LINGO2: variants seen among roughly 807,000 people sequenced by gnomAD.
LINGO2 encodes the protein leucine rich repeat and Ig domain containing 2.
Under a neutral mutation model 30.6 loss-of-function variants are expected in LINGO2, and 14 were observed. The ratio of observed to expected loss-of-function variants is 0.46; its 90% CI spans 0.30 to 0.72. LINGO2 has a LOEUF of 0.72. LINGO2 is among the 30% of genes least tolerant of loss of function. The pLI is 0.07. For synonymous variants in LINGO2, 317 were observed against 288.5 expected (o/e 1.10, Z -1.00); for missense variants, 729 against 751.7 (o/e 0.97, Z 0.35).
At chr9:28,730,433 G>C in the LINGO2 span, among the ~76,000 whole-genome samples, 1 of 152,116 alleles carries the variant, frequency 6.6e-6, no homozygotes. Flanking sequence ...AAATAAATCT[G>C]TCCTGATCAA....
At chr9:28,243,262 G>T (rs555977787) in intron 4 of LINGO2, among the ~76,000 whole-genome samples, 21 of 152,078 alleles carry the variant, frequency 1.4e-4, no homozygotes, top group South Asian at 4.2e-4. Flanking sequence ...TTCAAAACCA[G>T]CCTGGGCAAC....
chr9:28,984,174 T>C, the LINGO2 span, among the ~76,000 whole-genome samples: 1 of 152,098 alleles, frequency 6.6e-6, no homozygotes, highest in Non-Finnish European at 1.5e-5. Flanking sequence ...TTCTAACACA[T>C]AATACAAAAT....
intron 4 of LINGO2, among the ~76,000 whole-genome samples, chr9:28,065,797 T>C (rs1196029597): frequency 6.6e-6 from 1 of 152,088 alleles, no homozygotes; most frequent in Non-Finnish European, 1.5e-5. Context: ...TCAGTAATTG[T>C]TATCAATCAT....
intron 4 of LINGO2, among the ~76,000 whole-genome samples, chr9:28,197,383 A>C (rs115470482): frequency 6.6e-6 from 1 of 151,778 alleles, no homozygotes; most frequent in East Asian, 1.9e-4. Context: ...GTAAAGATTT[A>C]AAAAAAACAG....
the LINGO2 span, among the ~76,000 whole-genome samples, chr9:28,731,450 A>T: frequency 6.6e-6 from 1 of 152,198 alleles, no homozygotes; most frequent in African/African-American, 2.4e-5. Context: ...AAAAAGTTAT[A>T]TATTTTATAG....
chr9:29,093,321 C>T, the LINGO2 span, among the ~76,000 whole-genome samples: 44 of 132,872 alleles, frequency 3.3e-4, 10 homozygotes, highest in African/African-American at 1.2e-3. Context: ...AAAGGCTTTA[C>T]ACCTGATTAA....
chr9:28,982,454 AATTTAGTGTT>A, the LINGO2 span, among the ~76,000 whole-genome samples: 1 of 151,826 alleles, frequency 6.6e-6, no homozygotes, highest in Admixed American at 6.6e-5. Context: ...TTGCCAGTTA[AATTTAGTGTT>A]CTAAGTCCTA....
At chr9:28,718,110 G>A in the LINGO2 span, among the ~76,000 whole-genome samples, 1 of 150,484 alleles carries the variant, frequency 6.6e-6, no homozygotes, top group Non-Finnish European at 1.5e-5. Context: ...TTTCAACAAA[G>A]AACATTAAGA....
At chr9:28,083,372 C>T (rs1276432543) in intron 4 of LINGO2, among the ~76,000 whole-genome samples, 3 of 152,142 alleles carry the variant, frequency 2.0e-5, no homozygotes, top group Admixed American at 6.6e-5. Context: ...TGAGAACCTT[C>T]TTCAATAAGC....
chr9:28,222,608 T>C (rs10511825), intron 4 of LINGO2, among the ~76,000 whole-genome samples: 35,683 of 152,056 alleles, frequency 0.23, 4,889 homozygotes, highest in East Asian at 0.49. Context: ...CATTTGTTTC[T>C]TAGTCTGAAT....
At chr9:28,217,244 G>A (rs1352545333) in intron 4 of LINGO2, among the ~76,000 whole-genome samples, 1 of 151,392 alleles carries the variant, frequency 6.6e-6, no homozygotes, top group Admixed American at 6.6e-5. Context: ...TACTTGGAAT[G>A]AACTTCTGAA....
intron 4 of LINGO2, among the ~76,000 whole-genome samples, chr9:28,103,905 G>A (rs551008198): frequency 5.9e-5 from 9 of 152,230 alleles, no homozygotes; most frequent in African/African-American, 2.2e-4. Context: ...GAAGTAGGGT[G>A]AACTATTCTG....
At chr9:28,215,795 T>G (rs917065792) in intron 4 of LINGO2, among the ~76,000 whole-genome samples, 1 of 151,850 alleles carries the variant, frequency 6.6e-6, no homozygotes, top group Non-Finnish European at 1.5e-5. Context: ...AATTATGATA[T>G]CTTTCTTGCT....
intron 4 of LINGO2, among the ~76,000 whole-genome samples, chr9:28,169,025 G>A (rs1828510345): frequency 6.6e-6 from 1 of 152,074 alleles, no homozygotes; most frequent in South Asian, 2.1e-4. Flanking sequence ...CCAAACATCT[G>A]CACCCATGAA....
At chr9:28,676,703 C>A in the LINGO2 span, among the ~76,000 whole-genome samples, 1 of 151,934 alleles carries the variant, frequency 6.6e-6, no homozygotes, top group Admixed American at 6.6e-5. Context: ...GCTTACATTT[C>A]CTTTTGTTCT....
At chr9:28,257,343 T>A (rs1822416266) in intron 4 of LINGO2, among the ~76,000 whole-genome samples, 1 of 151,904 alleles carries the variant, frequency 6.6e-6, no homozygotes, top group Non-Finnish European at 1.5e-5. Flanking sequence ...TATTTATATG[T>A]CCACTGGCCT....
chr9:29,175,678 C>A, the LINGO2 span, among the ~76,000 whole-genome samples: 1 of 151,924 alleles, frequency 6.6e-6, no homozygotes, highest in Non-Finnish European at 1.5e-5. Context: ...AGGCACACAC[C>A]ACCACGCCTG....
chr9:28,458,254 A>G (rs1327423466), intron 2 of LINGO2, among the ~76,000 whole-genome samples: 3 of 152,180 alleles, frequency 2.0e-5, no homozygotes, highest in African/African-American at 7.2e-5. Context: ...TTTTTACCTA[A>G]TGAAGGATGA....
At chr9:28,534,484 C>G (rs1285412113) in intron 1 of LINGO2, among the ~76,000 whole-genome samples, 1 of 152,140 alleles carries the variant, frequency 6.6e-6, no homozygotes, top group Non-Finnish European at 1.5e-5. Flanking sequence ...CCACAACTAA[C>G]CAAGATATCG....
Sources: allele counts gnomAD v4.1 joint callset (sites outside exome capture counted in the v4.1 genomes callset), GRCh38; gene constraint gnomAD v4.1.1; transcripts MANE v1.5; gene names NCBI Gene and HGNC (gene_info 2026-07-23, HGNC 2026-07-21).